FRMD5: variants seen among roughly 807,000 people sequenced by gnomAD.
FRMD5 encodes FERM domain containing 5.
Under a neutral mutation model 69.0 loss-of-function variants are expected in FRMD5, and 20 were observed. The ratio of observed to expected loss-of-function variants is 0.29; its 90% CI spans 0.20 to 0.42. The LOEUF (loss-of-function observed/expected upper bound fraction) is 0.42. FRMD5 is among the 10% of genes least tolerant of loss of function. The pLI, the probability that FRMD5 is intolerant of heterozygous loss-of-function variation, is 1.00. For synonymous variants in FRMD5, 271 were observed against 260.1 expected (o/e 1.04, Z -0.40); for missense variants, 595 against 708.6 (o/e 0.84, Z 1.82).
intron 4 of FRMD5, among the ~76,000 whole-genome samples, chr15:43,911,468 G>A (rs1157178242): frequency 3.9e-5 from 6 of 152,082 alleles, no homozygotes; most frequent in East Asian, 1.9e-4. Context: ...TGAGGCTTTC[G>A]GCCAACAGCC....
At chr15:43,968,957 T>C (rs149480320) in intron 1 of FRMD5, among the ~76,000 whole-genome samples, 3,796 of 152,314 alleles carry the variant, frequency 0.025, 88 homozygotes, top group Non-Finnish European at 0.036. Flanking sequence ...ATTCATAGAC[T>C]ATGTTTCCTA....
intron 1 of FRMD5, among the ~76,000 whole-genome samples, chr15:44,073,414 G>A (rs1893622916): frequency 1.3e-5 from 2 of 152,084 alleles, no homozygotes; most frequent in South Asian, 4.1e-4. Flanking sequence ...TGTAGCAAAT[G>A]GATTAATATA....
At chr15:43,990,287 A>G (rs1447875256) in intron 1 of FRMD5, 6 of 284,094 alleles carry the variant, frequency 2.1e-5, no homozygotes, top group African/African-American at 1.3e-4. Flanking sequence ...TTTTATATGC[A>G]CTGGGAAACC....
chr15:44,161,011 C>T (rs924403638), intron 1 of FRMD5, among the ~76,000 whole-genome samples: 1 of 152,182 alleles, frequency 6.6e-6, no homozygotes, highest in East Asian at 1.9e-4. Flanking sequence ...ATAGCACCCT[C>T]GTGGCACAAA....
chr15:43,889,121 CAG>C (rs1017030736), intron 8 of FRMD5, among the ~76,000 whole-genome samples: 5 of 152,198 alleles, frequency 3.3e-5, no homozygotes, highest in Non-Finnish European at 7.3e-5. Context: ...GGCTTATCAA[CAG>C]TGGCTGTAAA....
chr15:43,906,002 AT>A (rs1437788307), intron 5 of FRMD5, 51 bp from the exon 6 acceptor site: 4 of 1,611,470 alleles, frequency 2.5e-6, no homozygotes, highest in Non-Finnish European at 3.4e-6. Flanking sequence ...GTAAATCATC[AT>A]TGACAAAGCA....
chr15:43,878,784 C>A (rs1356080218), intron 13 of FRMD5, among the ~76,000 whole-genome samples: 1 of 152,108 alleles, frequency 6.6e-6, no homozygotes, highest in Non-Finnish European at 1.5e-5. Context: ...TTACACCCCT[C>A]AGCTTGTGGG....
rs560282250 is a variant in FRMD5 at position 43,885,980 on chromosome 15, G to C, written c.885-225C>G. Among the ~76,000 whole-genome samples, 310 of 152,340 alleles carry C rather than the reference G, an allele frequency of 2.0e-3. 3 individuals are homozygous for C. The highest frequency in any genetic ancestry group is 3.0e-3 in the Non-Finnish European group (203 of 68,038). On this transcript the variant is annotated intron_variant, in intron 10 of 13. Coordinates refer to ENST00000417257, the MANE Select transcript of FRMD5 (RefSeq NM_032892.5). Reference sequence around the variant, plus strand: ...ACTGTCAACATGGAAACCCATTTTAGTGTCAGGAGAGTGAAGGCTCCCCCA... The same window carrying C: ...ACTGTCAACATGGAAACCCATTTTACTGTCAGGAGAGTGAAGGCTCCCCCA...
At chr15:43,908,914 G>A (rs1191046559) in intron 5 of FRMD5, among the ~76,000 whole-genome samples, 5 of 152,254 alleles carry the variant, frequency 3.3e-5, no homozygotes, top group South Asian at 4.1e-4. Flanking sequence ...TTGGAGATTT[G>A]CCTGAGAGGA....
At chr15:43,996,048 G>A (rs1449958454) in intron 1 of FRMD5, among the ~76,000 whole-genome samples, 1 of 152,168 alleles carries the variant, frequency 6.6e-6, no homozygotes. Context: ...TGATGGCTTG[G>A]TGCCTGAGGC....
chr15:44,114,314 CTT>C lies in FRMD5; in HGVS notation c.102+80637_102+80638del, dbSNP rs2076839559. Among the ~76,000 whole-genome samples the C allele has an allele frequency of 3.3e-5, 5 of 152,198 alleles. No homozygotes were observed. The South Asian group carries it at 1.0e-3, about 32-fold the overall frequency. ...CAAATGTTTTGTACTATAAAGCAAA[CTT>C]AATACATCAGTCCTCGCTAAGGTAT... On this transcript the variant is annotated intron_variant, in intron 1 of 13. Coordinates refer to ENST00000417257, the MANE Select transcript of FRMD5 (RefSeq NM_032892.5).
chr15:44,172,956 G>T (rs1392465320), intron 1 of FRMD5, among the ~76,000 whole-genome samples: 2 of 152,146 alleles, frequency 1.3e-5, no homozygotes, highest in African/African-American at 4.8e-5. Flanking sequence ...AGTTACTGAG[G>T]ACTGGCAAAT....
At chr15:44,012,773 T>G (rs1295362932) in intron 1 of FRMD5, among the ~76,000 whole-genome samples, 16 of 149,688 alleles carry the variant, frequency 1.1e-4, no homozygotes, top group South Asian at 2.1e-4. Flanking sequence ...TTTTTTTTTT[T>G]TTTTTTTTTT....
intron 1 of FRMD5, among the ~76,000 whole-genome samples, chr15:44,054,496 A>G (rs549697192): frequency 2.4e-4 from 37 of 152,338 alleles, no homozygotes; most frequent in African/African-American, 8.9e-4. Context: ...ATGCAAAAAC[A>G]TCTAATACAA....
intron 1 of FRMD5, among the ~76,000 whole-genome samples, chr15:44,149,942 A>G (rs2077416939): frequency 2.0e-5 from 3 of 152,198 alleles, no homozygotes; most frequent in Admixed American, 2.0e-4. Context: ...TCAGCAGCAT[A>G]GCAAAAGGAT....
intron 1 of FRMD5, among the ~76,000 whole-genome samples, chr15:44,086,844 C>A (rs565921876): frequency 1.3e-5 from 2 of 152,156 alleles, no homozygotes; most frequent in African/African-American, 4.8e-5. Flanking sequence ...AAGTAATAAT[C>A]ATGGCTTTTA....
intron 1 of FRMD5, among the ~76,000 whole-genome samples, chr15:44,026,412 G>A (rs558435934): frequency 6.6e-6 from 1 of 152,252 alleles, no homozygotes; most frequent in Non-Finnish European, 1.5e-5. Context: ...AAATACACTA[G>A]ATTAACTATT....
chr15:44,195,780 C>T (rs1566998717), upstream of FRMD5, among the ~76,000 whole-genome samples: 1 of 152,350 alleles, frequency 6.6e-6, no homozygotes, highest in East Asian at 1.9e-4. Context: ...CCTCTGTGCT[C>T]CAGCCCTCTT....
chr15:44,092,057 G>A (rs1167431530), intron 1 of FRMD5, among the ~76,000 whole-genome samples: 1 of 152,236 alleles, frequency 6.6e-6, no homozygotes, highest in Non-Finnish European at 1.5e-5. Flanking sequence ...AAAAGCAAGG[G>A]GAATAACTGC....
Sources: allele counts gnomAD v4.1 joint callset (sites outside exome capture counted in the v4.1 genomes callset), GRCh38; gene constraint gnomAD v4.1.1; transcripts MANE v1.5; gene names NCBI Gene and HGNC (gene_info 2026-07-23, HGNC 2026-07-21).